The following SGCZ variants were observed in gnomAD, a reference collection of about 807,000 sequenced individuals.
SGCZ encodes the protein zeta-sarcoglycan.
A neutral mutation model predicts 41.3 loss-of-function variants in SGCZ; 40 were observed. That is an observed-to-expected ratio of 0.97 (90% confidence interval 0.75 to 1.26). SGCZ has a LOEUF of 1.26. Ranked by LOEUF, SGCZ falls within the 50% of genes most tolerant of loss-of-function variation. SGCZ has a pLI of 0.00. For missense variants in SGCZ, 552 were observed against 369.8 expected, an observed-to-expected ratio of 1.49 and a Z score of -4.04; for synonymous variants, 206 against 137.5, an observed-to-expected ratio of 1.50 and a Z score of -3.49.
intron 3 of SGCZ, among the ~76,000 whole-genome samples, chr8:14,246,546 T>C (rs1251813944): frequency 3.3e-5 from 5 of 151,148 alleles, no homozygotes; most frequent in Admixed American, 1.3e-4. Flanking sequence ...TGTATACATA[T>C]GTAACTAACC....
intron 3 of SGCZ, among the ~76,000 whole-genome samples, chr8:14,241,724 G>A (rs1456252260): frequency 1.3e-5 from 2 of 151,998 alleles, no homozygotes. Context: ...GCAGATAGGT[G>A]ATCCAGTTAG....
At chr8:14,722,657 T>C (rs549459980) in intron 1 of SGCZ, among the ~76,000 whole-genome samples, 2 of 152,194 alleles carry the variant, frequency 1.3e-5, no homozygotes, top group African/African-American at 2.4e-5. Flanking sequence ...GTTGAAATTT[T>C]ACACAGGTTG....
At chr8:14,525,130 TGATAGATAGACACATAGATAGATAGATA>T (rs1563385816) in intron 2 of SGCZ, among the ~76,000 whole-genome samples, 1 of 147,632 alleles carries the variant, frequency 6.8e-6, no homozygotes, top group Non-Finnish European at 1.5e-5. Flanking sequence ...ATAGATACAT[TGATAGATAGACACATAGATAGATAGATA>T]GATAGATAGA....
intron 2 of SGCZ, among the ~76,000 whole-genome samples, chr8:14,425,684 G>A (rs899174142): frequency 6.6e-6 from 1 of 151,818 alleles, no homozygotes; most frequent in Admixed American, 6.6e-5. Flanking sequence ...TACAGATCAT[G>A]TTTTTATTTG....
intron 5 of SGCZ, among the ~76,000 whole-genome samples, chr8:14,137,604 T>G (rs1472245464): frequency 6.6e-6 from 1 of 151,820 alleles, no homozygotes; most frequent in African/African-American, 2.4e-5. Context: ...ATAAATGACA[T>G]GAAGTGAGAA....
intron 4 of SGCZ, among the ~76,000 whole-genome samples, chr8:14,234,440 G>A (rs1806683682): frequency 6.6e-6 from 1 of 152,016 alleles, no homozygotes; most frequent in Non-Finnish European, 1.5e-5. Context: ...ATGGTACAAT[G>A]AGAATAAAAT....
chr8:14,276,034 C>T (rs941300341), intron 3 of SGCZ, among the ~76,000 whole-genome samples: 4 of 152,200 alleles, frequency 2.6e-5, no homozygotes, highest in African/African-American at 9.7e-5. Context: ...CAGATAAAGC[C>T]ATGATGCTTC....
At chr8:14,970,579 A>G (rs148275383) in intron 1 of SGCZ, among the ~76,000 whole-genome samples, 2 of 152,236 alleles carry the variant, frequency 1.3e-5, no homozygotes, top group African/African-American at 4.8e-5. Context: ...TTGTAGAATT[A>G]CCTTTGTATT....
intron 1 of SGCZ, among the ~76,000 whole-genome samples, chr8:14,637,536 T>A (rs773987048): frequency 2.0e-5 from 3 of 151,710 alleles, no homozygotes; most frequent in Non-Finnish European, 4.4e-5. Context: ...ACGTGCTCAG[T>A]GTTTAGCTCC....
chr8:14,123,368 T>A (rs1349579002), intron 5 of SGCZ, among the ~76,000 whole-genome samples: 1 of 152,196 alleles, frequency 6.6e-6, no homozygotes, highest in African/African-American at 2.4e-5. Flanking sequence ...CCAATTTTGT[T>A]GAAATGTGGG....
chr8:15,073,593 C>T lies in SGCZ; in HGVS notation c.39+163992G>A, dbSNP rs538227135. The stretch of plus-strand genomic sequence containing the variant: ...AATCTGTAAATATCCAGGAAAGCAA[C>T]TGCTCTCCATAATGTGGGTGGGCCT... On this transcript the variant is annotated intron_variant, in intron 1 of 7. Coordinates refer to ENST00000382080, the MANE Select transcript of SGCZ (RefSeq NM_139167.4). 1.6e-4 allele frequency among the ~76,000 whole-genome samples: 24 copies of T among 152,250 alleles called. 1 individual carries two copies. In the South Asian group the frequency reaches 4.8e-3, roughly 30 times the overall value.
In SGCZ at chr8:14,998,771, T is replaced by C. The variant is rs866241476; in HGVS notation, c.39+238814A>G. Among the ~76,000 whole-genome samples, 8 of 152,172 alleles carry C rather than the reference T, an allele frequency of 5.3e-5. No homozygotes were observed. The South Asian group carries it at 1.7e-3, about 32-fold the overall frequency. ...CTAGATGTAGCAATGTGTTGAGTGG[T>C]TTTCTGCTGAAACTCAACTCAGGTC... On this transcript the variant is annotated intron_variant, in intron 1 of 7. Transcript: ENST00000382080.
At chr8:14,764,536 T>C (rs1799982064) in intron 1 of SGCZ, among the ~76,000 whole-genome samples, 2 of 152,312 alleles carry the variant, frequency 1.3e-5, no homozygotes, top group South Asian at 4.1e-4. Flanking sequence ...ACCATAGATC[T>C]ACACCTGCAG....
rs115701225 is a variant in SGCZ at position 14,201,172 on chromosome 8, A to T, written c.424+36420T>A. Among the ~76,000 whole-genome samples the T allele has an allele frequency of 3.8e-3, 581 of 152,308 alleles. 4 individuals are homozygous for T. The highest frequency in any genetic ancestry group is 9.6e-3 in the African/African-American group (397 of 41,568). On this transcript the variant is annotated intron_variant, in intron 4 of 7. Coordinates refer to ENST00000382080, the MANE Select transcript of SGCZ (RefSeq NM_139167.4). ...AAGCGAAATGCTCATACAGGCAGGT[A>T]GAAATACAAAATTATATTAGCACTC...
chr8:14,814,683 A>T (rs1302239232), intron 1 of SGCZ, among the ~76,000 whole-genome samples: 1 of 152,148 alleles, frequency 6.6e-6, no homozygotes, highest in East Asian at 1.9e-4. Context: ...GGCAGGTAGG[A>T]ACTTGGAGAA....
At chr8:14,180,538 T>C (rs1440276303) in intron 4 of SGCZ, among the ~76,000 whole-genome samples, 1 of 151,694 alleles carries the variant, frequency 6.6e-6, no homozygotes, top group Non-Finnish European at 1.5e-5. Flanking sequence ...TAACCCAACA[T>C]GCGCAGTCTC....
At chr8:15,050,788 G>C (rs1262423223) in intron 1 of SGCZ, among the ~76,000 whole-genome samples, 2 of 152,070 alleles carry the variant, frequency 1.3e-5, no homozygotes, top group Non-Finnish European at 2.9e-5. Context: ...GGCTCTGAAG[G>C]GAAGGATAAA....
At chr8:14,757,256 C>G (rs1191924894) in intron 1 of SGCZ, among the ~76,000 whole-genome samples, 1 of 152,172 alleles carries the variant, frequency 6.6e-6, no homozygotes, top group Admixed American at 6.5e-5. Context: ...ACTATGTTGG[C>G]CAGGCTGGAC....
At chr8:15,155,891 C>T (rs1330258392) in intron 1 of SGCZ, among the ~76,000 whole-genome samples, 2 of 151,886 alleles carry the variant, frequency 1.3e-5, no homozygotes, top group African/African-American at 4.8e-5. Context: ...AACTCTGTCT[C>T]TACTAAAATA....
Sources: gnomAD v4.1 joint callset for allele counts (sites outside exome capture counted in the v4.1 genomes callset) on GRCh38, gnomAD v4.1.1 for gene constraint, MANE v1.5 for transcripts, NCBI Gene and HGNC (gene_info 2026-07-23, HGNC 2026-07-21) for gene names.